Variants in KEAP1 observed in about 807,000 individuals in gnomAD.
The protein encoded by KEAP1 is kelch-like ECH-associated protein 1.
Under a neutral mutation model 59.7 loss-of-function variants are expected in KEAP1, and 26 were observed. The observed-to-expected ratio is 0.44, with a 90% CI of 0.32 to 0.60. The LOEUF (loss-of-function observed/expected upper bound fraction) is 0.60. KEAP1 is among the 20% of genes least tolerant of loss of function. KEAP1 has a pLI of 0.06. For synonymous variants in KEAP1, 350 were observed against 358.3 expected (o/e 0.98, Z 0.26); for missense variants, 539 against 871.4 (o/e 0.62, Z 4.80).
intron 2 of KEAP1, among the ~76,000 whole-genome samples, chr19:10,494,516 T>C (rs1176630921): frequency 1.3e-5 from 2 of 150,816 alleles, no homozygotes; most frequent in Admixed American, 6.6e-5. Context: ...TTTGTATTTT[T>C]AGTAGAGACG....
In KEAP1 at chr19:10,503,049, G is replaced by T. The variant is rs1018633877; in HGVS notation, c.-48+192C>A. 5.3e-5 allele frequency: 8 copies of T among 151,970 alleles called. No individual in the cohort carries two copies. Among genetic ancestry groups the T allele is most frequent in the African/African-American group, 1.9e-4 (8 of 41,410 alleles). 9.4% of individuals were successfully genotyped at this position (151,970 alleles called of 1,614,324 possible). The stretch of plus-strand genomic sequence containing the variant: ...CTGCGCGCCCCGGCCCGCACCAGGG[G>T]TGGGGTGGACACCCCTCCCCGTCGC... On this transcript the variant is annotated intron_variant, in intron 1 of 5. Transcript: ENST00000171111. This position sits in a 1 kb window ranked among gnomAD's most constrained non-coding sequence, Gnocchi z 4.3.
chr19:10,497,140 G>C (rs1240947910), intron 2 of KEAP1, among the ~76,000 whole-genome samples: 1 of 149,368 alleles, frequency 6.7e-6, no homozygotes, highest in Non-Finnish European at 1.5e-5. Flanking sequence ...AAAAAAAAAA[G>C]TTGTCAGGCA....
chr19:10,498,199 CTTT>C (rs35066564), intron 2 of KEAP1, among the ~76,000 whole-genome samples: 5 of 106,128 alleles, frequency 4.7e-5, no homozygotes, highest in African/African-American at 3.5e-5. Flanking sequence ...CGCGCCCAGG[CTTT>C]TTTTTTTTTT....
At chr19:10,495,535 T>C (rs972672491) in intron 2 of KEAP1, among the ~76,000 whole-genome samples, 21 of 151,522 alleles carry the variant, frequency 1.4e-4, no homozygotes, top group African/African-American at 4.9e-4. Context: ...CCGTCTCTAC[T>C]AAAAACAAAA....
At chr19:10,494,320 G>A (rs1377326487) in intron 2 of KEAP1, among the ~76,000 whole-genome samples, 1 of 149,110 alleles carries the variant, frequency 6.7e-6, no homozygotes, top group East Asian at 2.0e-4. Flanking sequence ...CACCATACCT[G>A]GCTTGGCTTT....
chr19:10,486,279 CCT>C lies in KEAP1; in HGVS notation c.*371_*372del, dbSNP rs1295115715. On this transcript the variant is annotated 3_prime_UTR_variant, in exon 6 of 6. Coordinates refer to ENST00000171111, the MANE Select transcript of KEAP1 (RefSeq NM_203500.2). The stretch of plus-strand genomic sequence containing the variant: ...ACCACATTTCCAGAGGGGGCCTCCC[CCT>C]GAGGCCCCCATTGGCCCCCTCCCAG... 1 of 253,776 alleles carries C rather than the reference CCT, an allele frequency of 3.9e-6. No individual in the cohort carries two copies. The highest frequency in any genetic ancestry group is 7.6e-6 in the Non-Finnish European group (1 of 131,602). The allele number at this position is 253,776 out of a possible 1,614,324, so 15.7% of individuals were successfully genotyped here.
Position 10,495,674 on chromosome 19 carries a change from A to T in KEAP1, c.640-3412T>A, listed in dbSNP as rs1042784909. ...GATTGTGCCACTGTACTCCAGCCTG[A>T]GCAACAGAGTGAGACTCCATCTCCA... On this transcript the variant is annotated intron_variant, in intron 2 of 5. Transcript: ENST00000171111. 4.6e-5 allele frequency among the ~76,000 whole-genome samples: 7 copies of T among 151,820 alleles called. No homozygotes were observed. The Admixed American group carries it at 4.6e-4, about 10-fold the overall frequency.
intron 5 of KEAP1, 133 bp from the exon 6 acceptor site, chr19:10,486,951 C>T: frequency 1.2e-6 from 1 of 822,884 alleles, no homozygotes; most frequent in Non-Finnish European, 1.8e-6. Flanking sequence ...AATCCTAGCA[C>T]TTTGCAGGGC....
intron 2 of KEAP1, among the ~76,000 whole-genome samples, chr19:10,494,944 G>A (rs1429550442): frequency 6.7e-6 from 1 of 149,808 alleles, no homozygotes; most frequent in Non-Finnish European, 1.5e-5. Flanking sequence ...GTGAGCCAAC[G>A]CGCCCGGCCT....
chr19:10,499,373 C>T lies in KEAP1; in HGVS notation c.639+22G>A. 1.3e-6 allele frequency: 2 copies of T among 1,548,914 alleles called. No homozygotes were observed. The highest frequency in any genetic ancestry group is 1.4e-5 in the African/African-American group (1 of 73,896). On this transcript the variant is annotated intron_variant, in intron 2 of 5. Transcript: ENST00000171111. The surrounding 1 kb of genome is among the most constrained non-coding windows in gnomAD (Gnocchi z 6.7). Reference sequence around the variant, plus strand: ...CCTGGTCCTTCTCCTGACACTGCCCCCAGCCCCACTTCCCCGCTCACCTCC... The same window carrying T: ...CCTGGTCCTTCTCCTGACACTGCCCTCAGCCCCACTTCCCCGCTCACCTCC...
rs1914953529 is a variant in KEAP1, at chr19:10,499,177, GT to G, written c.639+217del. Among the ~76,000 whole-genome samples the G allele has an allele frequency of 4.6e-5, 7 of 152,010 alleles. No homozygotes were observed. The South Asian group carries it at 1.2e-3, about 27-fold the overall frequency. ...GTGTGTTTGTTTGTTTAGAGACAGG[GT>G]GTCATTATGTTGCCTGGGCTGGTCT... On this transcript the variant is annotated intron_variant, in intron 2 of 5. Transcript: ENST00000171111. The surrounding 1 kb of genome is among the most constrained non-coding windows in gnomAD (Gnocchi z 6.7).
intron 1 of KEAP1, among the ~76,000 whole-genome samples, chr19:10,501,584 C>T (rs1345473075): frequency 1.3e-5 from 2 of 151,950 alleles, no homozygotes; most frequent in Non-Finnish European, 2.9e-5. Flanking sequence ...GAGCCGAGAT[C>T]GCACCACTGC....
At chr19:10,486,849 C>A (rs760211392) in intron 5 of KEAP1, 31 bp from the exon 6 acceptor site, 8 of 1,594,432 alleles carry the variant, frequency 5.0e-6, no homozygotes, top group Non-Finnish European at 6.9e-6. Context: ...ATGGTCACCA[C>A]CTGTCACACC....
intron 5 of KEAP1, among the ~76,000 whole-genome samples, chr19:10,487,070 T>A (rs11669094): frequency 0.39 from 57,274 of 146,722 alleles, 11,649 homozygotes; most frequent in African/African-American, 0.49. Context: ...ATGGCCAGGC[T>A]TGGTAGCTCA....
At chr19:10,492,587 A>G (rs1351658916) in intron 2 of KEAP1, 1 of 293,236 alleles carries the variant, frequency 3.4e-6, no homozygotes, top group South Asian at 3.6e-5. Flanking sequence ...GTGTGGTGGC[A>G]CACGCCTCTA....
Position 10,489,375 on chromosome 19 carries a change from G to C in KEAP1, c.1532-7C>G. 6.8e-6 allele frequency: 11 copies of C among 1,609,612 alleles called. No individual in the cohort carries two copies. Among genetic ancestry groups the C allele is most frequent in the Non-Finnish European group, 9.3e-6 (11 of 1,176,780 alleles). The stretch of plus-strand genomic sequence containing the variant: ...TTGTGCAGGACGCAGACGCCTAAAG[G>C]GCACCATGCAGAGAAGGTGACTCTG... On this transcript the variant is annotated splice_polypyrimidine_tract_variant and splice_region_variant and intron_variant, in intron 4 of 5. Transcript: ENST00000171111.
intron 5 of KEAP1, among the ~76,000 whole-genome samples, 154 bp downstream of exon 5, chr19:10,489,038 C>G (rs1007069758): frequency 1.5e-5 from 2 of 137,226 alleles, no homozygotes. Context: ...GAGGCTCCAG[C>G]GAGCTGTGAT....
In KEAP1 at chr19:10,499,921, C is replaced by T. The variant is rs778091974; in HGVS notation, c.113G>A (p.Cys38Tyr). Residue 38 changes from cysteine (C) to tyrosine (Y), a missense_variant, in exon 2 of 6, where the codon TGC becomes TAC. By Grantham distance (194) the Cys-to-Tyr change is radical. Coordinates refer to ENST00000171111, the MANE Select transcript of KEAP1 (RefSeq NM_203500.2). The surrounding 1 kb of genome is among the most constrained non-coding windows in gnomAD (Gnocchi z 6.7). ...CTGGGAGGGCGTCACCTCCGCCTTG[C>T]ACTCAGTGGAGGCGTACATCACCGC... Reference protein sequence around the residue: ...GDAVMYASTECKAEVTPSQHG... With the variant: ...GDAVMYASTEYKAEVTPSQHG... 4.3e-6 allele frequency: 7 copies of T among 1,612,958 alleles called. No individual in the cohort carries two copies. In the South Asian group the frequency reaches 7.7e-5, roughly 18 times the overall value.
At chr19:10,490,452 T>A (rs774725220) in intron 3 of KEAP1, 3 of 150,084 alleles carry the variant, frequency 2.0e-5, no homozygotes, top group Non-Finnish European at 4.4e-5. Flanking sequence ...GTAGCTGGGA[T>A]AACAGGCACC....
Sources: gnomAD v4.1 joint callset for allele counts (sites outside exome capture counted in the v4.1 genomes callset) on GRCh38, gnomAD v4.1.1 for gene constraint, Gnocchi (gnomAD v3.1) non-coding constraint, MANE v1.5 for transcripts, NCBI Gene and HGNC (gene_info 2026-07-23, HGNC 2026-07-21) for gene names.